RSPO2: variants seen among roughly 807,000 people sequenced by gnomAD.
RSPO2 encodes R-spondin 2.
In RSPO2, 14 loss-of-function variants were observed where a neutral mutation model predicts 30.9. The observed-to-expected ratio is 0.45, with a 90% confidence interval of 0.30 to 0.71. The LOEUF is 0.71. Ranked by LOEUF, RSPO2 falls within the 30% of genes least tolerant of loss-of-function variation. The pLI, the probability that RSPO2 is intolerant of heterozygous loss-of-function variation, is 0.08. For missense variants in RSPO2, 264 were observed against 301.9 expected (o/e 0.87, Z 0.93); for synonymous variants, 107 against 96.4 (o/e 1.11, Z -0.64).
intron 5 of RSPO2, among the ~76,000 whole-genome samples, chr8:107,912,621 C>T (rs1811858947): frequency 6.6e-6 from 1 of 152,124 alleles, no homozygotes; most frequent in African/African-American, 2.4e-5. Flanking sequence ...TTTTAAAAGG[C>T]TGTCTAGTTC....
chr8:107,989,078 G>T lies in RSPO2; in HGVS notation c.261C>A (p.Ala87=). Residue 87 remains alanine (A), a synonymous_variant, in exon 3 of 6, where the codon GCC becomes GCA. Transcript: ENST00000276659. The stretch of plus-strand genomic sequence containing the variant: ...CACTTGCACATCTGTTCATATCTGG[G>T]GCTCGGTGTCCATAGTACCCGGATG... ...SCPSGYYGHR[A]PDMNRCARCR... 5 of 1,607,438 alleles carry T rather than the reference G, an allele frequency of 3.1e-6. No homozygotes were observed. The highest frequency in any genetic ancestry group is 4.2e-6 in the Non-Finnish European group (5 of 1,178,416).
intron 3 of RSPO2, among the ~76,000 whole-genome samples, chr8:107,961,465 G>C (rs78606553): frequency 0.036 from 5,511 of 152,188 alleles, 313 homozygotes; most frequent in African/African-American, 0.12. Flanking sequence ...AGAAACCTGG[G>C]ACTAACAGAG....
Position 107,929,389 on chromosome 8 carries a change from G to A in RSPO2, c.617-28199C>T, listed in dbSNP as rs558831136. On this transcript the variant is annotated intron_variant, in intron 5 of 5. Transcript: ENST00000276659. ...TACATCCACAATTCTCGCAGTTGGG[G>A]ACCAATGGCAAGTTACATGCCCCCT... Among the ~76,000 whole-genome samples the A allele has an allele frequency of 9.2e-5, 14 of 152,272 alleles. No homozygotes were observed. In the East Asian group the frequency reaches 2.5e-3, roughly 27 times the overall value.
chr8:108,074,602 T>C (rs1047139434), intron 2 of RSPO2, among the ~76,000 whole-genome samples: 1 of 152,228 alleles, frequency 6.6e-6, no homozygotes, highest in African/African-American at 2.4e-5. Context: ...CATTACTTTA[T>C]TAGCATAATT....
intron 2 of RSPO2, among the ~76,000 whole-genome samples, chr8:108,043,696 A>T (rs1811823114): frequency 1.3e-5 from 2 of 152,028 alleles, no homozygotes. Flanking sequence ...AGAGATACCC[A>T]TGGCAACTTG....
intron 2 of RSPO2, among the ~76,000 whole-genome samples, chr8:108,069,144 T>C (rs1812761889): frequency 6.6e-6 from 1 of 152,088 alleles, no homozygotes; most frequent in Non-Finnish European, 1.5e-5. Flanking sequence ...CAAAAATCAA[T>C]GAGAAAACCT....
At chr8:107,921,106 G>C (rs1430744778) in intron 5 of RSPO2, among the ~76,000 whole-genome samples, 1 of 151,976 alleles carries the variant, frequency 6.6e-6, no homozygotes, top group Admixed American at 6.6e-5. Flanking sequence ...TCAACCTAGA[G>C]GTTAAACACT....
intron 5 of RSPO2, among the ~76,000 whole-genome samples, chr8:107,947,439 G>GA (rs1324715524): frequency 1.3e-5 from 2 of 152,046 alleles, no homozygotes; most frequent in Non-Finnish European, 2.9e-5. Context: ...AAAAGAAAAA[G>GA]AAAAAACTGT....
At chr8:107,938,030 G>A (rs1812775436) in intron 5 of RSPO2, among the ~76,000 whole-genome samples, 1 of 152,014 alleles carries the variant, frequency 6.6e-6, no homozygotes, top group Admixed American at 6.6e-5. Context: ...GCATAAAAGT[G>A]CTGTATCAAA....
At chr8:107,972,461 A>C (rs1237429349) in intron 3 of RSPO2, among the ~76,000 whole-genome samples, 5 of 152,092 alleles carry the variant, frequency 3.3e-5, no homozygotes, top group Non-Finnish European at 7.4e-5. Context: ...TGTATATTTT[A>C]GTGTAATAGC....
intron 2 of RSPO2, among the ~76,000 whole-genome samples, chr8:108,016,011 G>C (rs1365906751): frequency 6.6e-6 from 1 of 152,084 alleles, no homozygotes; most frequent in Non-Finnish European, 1.5e-5. Flanking sequence ...CCACCCACTC[G>C]GGTGCTGGAG....
chr8:107,961,692 A>G (rs1180275493), intron 3 of RSPO2, among the ~76,000 whole-genome samples: 1 of 152,172 alleles, frequency 6.6e-6, no homozygotes, highest in Non-Finnish European at 1.5e-5. Flanking sequence ...TGCCTCCTGT[A>G]TTAAACAGGG....
chr8:108,072,018 T>C (rs546311024), intron 2 of RSPO2, among the ~76,000 whole-genome samples: 3 of 152,188 alleles, frequency 2.0e-5, no homozygotes, highest in South Asian at 4.2e-4. Flanking sequence ...ACAGATACCA[T>C]AGTTACCCCC....
chr8:108,068,931 G>C (rs1036986346), intron 2 of RSPO2, among the ~76,000 whole-genome samples: 1 of 152,152 alleles, frequency 6.6e-6, no homozygotes, highest in Non-Finnish European at 1.5e-5. Flanking sequence ...CCAGTTTGTA[G>C]TACTTTGTCA....
At chr8:108,036,347 C>T (rs1811593569) in intron 2 of RSPO2, among the ~76,000 whole-genome samples, 1 of 152,218 alleles carries the variant, frequency 6.6e-6, no homozygotes, top group Admixed American at 6.5e-5. Flanking sequence ...CATCTGTTTA[C>T]AGCATGGTTT....
At chr8:107,937,928 C>T (rs950510192) in intron 5 of RSPO2, among the ~76,000 whole-genome samples, 1 of 152,096 alleles carries the variant, frequency 6.6e-6, no homozygotes, top group East Asian at 1.9e-4. Flanking sequence ...CATATACACA[C>T]ACTGAACAAA....
chr8:108,044,017 G>C, intron 2 of RSPO2, among the ~76,000 whole-genome samples: 1 of 152,050 alleles, frequency 6.6e-6, no homozygotes, highest in East Asian at 1.9e-4. Context: ...CACAATGCCT[G>C]ATACCCAGTA....
intron 2 of RSPO2, among the ~76,000 whole-genome samples, chr8:108,067,169 G>C (rs1812698223): frequency 2.0e-5 from 3 of 152,164 alleles, no homozygotes; most frequent in Admixed American, 2.0e-4. Flanking sequence ...TAGAATCAAA[G>C]AAACTTTAGG....
intron 3 of RSPO2, among the ~76,000 whole-genome samples, chr8:107,987,977 G>A (rs1284166299): frequency 6.6e-6 from 1 of 151,890 alleles, no homozygotes; most frequent in Non-Finnish European, 1.5e-5. Context: ...TGAATAACCT[G>A]CTTACCTTTT....
Sources: gnomAD v4.1 joint callset for allele counts (sites outside exome capture counted in the v4.1 genomes callset) on GRCh38, gnomAD v4.1.1 for gene constraint, MANE v1.5 for transcripts, NCBI Gene and HGNC (gene_info 2026-07-23, HGNC 2026-07-21) for gene names.